COP1: variants seen among roughly 807,000 people sequenced by gnomAD.
The protein encoded by COP1 is COP1 E3 ubiquitin ligase.
In COP1, 24 loss-of-function variants were observed where a neutral mutation model predicts 101.3. The ratio of observed to expected loss-of-function variants is 0.24; its 90% CI spans 0.17 to 0.33. The LOEUF is 0.33. Ranked by LOEUF, COP1 falls within the 10% of genes least tolerant of loss-of-function variation. The pLI, the probability that COP1 is intolerant of heterozygous loss-of-function variation, is 1.00. For synonymous variants in COP1, 347 were observed against 341.9 expected (o/e 1.01, Z -0.17); for missense variants, 663 against 906.2 (o/e 0.73, Z 3.45).
At chr1:175,945,758 T>C (rs1649090756) in intron 19 of COP1, among the ~76,000 whole-genome samples, 2 of 152,186 alleles carry the variant, frequency 1.3e-5, no homozygotes, top group South Asian at 2.1e-4. Context: ...AACAGGAGGA[T>C]AGTTATGAGA....
chr1:176,200,781 G>A (rs1700187631), intron 1 of COP1, among the ~76,000 whole-genome samples: 2 of 152,118 alleles, frequency 1.3e-5, no homozygotes, highest in South Asian at 4.1e-4. Context: ...CACACATAAA[G>A]AAAGAGGACA....
chr1:176,155,491 G>A (rs1005568476), intron 5 of COP1, among the ~76,000 whole-genome samples: 2 of 151,940 alleles, frequency 1.3e-5, no homozygotes, highest in African/African-American at 4.8e-5. Flanking sequence ...TCAGAAGTCT[G>A]TAAGATAATA....
intron 9 of COP1, among the ~76,000 whole-genome samples, chr1:176,090,212 C>T (rs77928756): frequency 3.3e-5 from 5 of 152,070 alleles, no homozygotes; most frequent in African/African-American, 7.2e-5. Flanking sequence ...GTTCCCACCC[C>T]CTGTCCCTGC....
At chr1:176,025,464 A>C (rs1302799099) in intron 15 of COP1, among the ~76,000 whole-genome samples, 1 of 151,746 alleles carries the variant, frequency 6.6e-6, no homozygotes, top group Non-Finnish European at 1.5e-5. Flanking sequence ...TTTAGCAAAA[A>C]AAAAAAAAAC....
chr1:176,082,296 C>G (rs150344279), intron 10 of COP1, among the ~76,000 whole-genome samples: 310 of 152,240 alleles, frequency 2.0e-3, no homozygotes, highest in Non-Finnish European at 3.4e-3. Context: ...CACACACACA[C>G]AACTTTTTCA....
intron 7 of COP1, among the ~76,000 whole-genome samples, chr1:176,135,426 C>T (rs574498584): frequency 6.6e-6 from 1 of 152,082 alleles, no homozygotes; most frequent in East Asian, 1.9e-4. Context: ...AGTGAACTAG[C>T]ATATCATTAA....
chr1:176,100,934 C>T (rs576177259), intron 9 of COP1, among the ~76,000 whole-genome samples: 7 of 152,092 alleles, frequency 4.6e-5, no homozygotes, highest in African/African-American at 1.2e-4. Context: ...GAAAGAAAAC[C>T]GGATCTGATG....
At chr1:176,164,817 T>G (rs563498287) in intron 3 of COP1, among the ~76,000 whole-genome samples, 1 of 152,182 alleles carries the variant, frequency 6.6e-6, no homozygotes, top group African/African-American at 2.4e-5. Flanking sequence ...AACCAACAAA[T>G]ATAAACTGAC....
intron 11 of COP1, among the ~76,000 whole-genome samples, chr1:176,077,614 C>T (rs1021402362): frequency 1.3e-5 from 2 of 152,196 alleles, no homozygotes; most frequent in East Asian, 3.9e-4. Context: ...CCCACTTTCA[C>T]CACTCCTATT....
chr1:176,027,702 A>G lies in COP1; in HGVS notation c.1613-14T>C. The G allele has an allele frequency of 6.8e-7, 1 of 1,466,684 alleles. No individual in the cohort carries two copies. The allele number at this position is 1,466,684 out of a possible 1,614,324, so 90.9% of individuals were successfully genotyped here. A position where few individuals can be genotyped will look rare whatever the true frequency, so the allele number is the denominator to read the frequency against. On this transcript the variant is annotated splice_polypyrimidine_tract_variant and intron_variant, in intron 14 of 19. Transcript: ENST00000367669. Reference sequence around the variant, plus strand: ...ACCACAGCTTCACTAAGGGCAAAGGACAATAAAAACAAAAAGAGAAACAAG... The same window carrying G: ...ACCACAGCTTCACTAAGGGCAAAGGGCAATAAAAACAAAAAGAGAAACAAG...
Position 176,206,969 on chromosome 1 carries a change from T to C in COP1, c.10A>G (p.Ser4Gly). The C allele has an allele frequency of 7.1e-7, 1 of 1,411,874 alleles. No individual in the cohort carries two copies. The highest frequency in any genetic ancestry group is 9.2e-7 in the Non-Finnish European group (1 of 1,088,160). The allele number at this position is 1,411,874 out of a possible 1,614,324, so 87.5% of individuals were successfully genotyped here. Reference protein sequence around the residue: MSGSRQAGSGSAGT... With the variant: MSGGRQAGSGSAGT... ...GCGGAGCCCGACCCGGCCTGGCGGCTACCAGACATCGTGACTCCCTCCCCT... is the reference window on the plus strand; with the variant it reads ...GCGGAGCCCGACCCGGCCTGGCGGCCACCAGACATCGTGACTCCCTCCCCT... The change falls in exon 1 of 20, where the codon AGC becomes GGC. Residue 4 changes from serine to glycine, a missense_variant. Ser to Gly is a moderately conservative substitution (Grantham distance 56). Around this residue, in one of 4 missense-constraint regions of COP1, gnomAD observed 204 missense variants for 203.6 expected, o/e 1.00. Transcript: ENST00000367669.
chr1:176,019,508 CCAT>C (rs1372555252), intron 15 of COP1, among the ~76,000 whole-genome samples: 55 of 131,018 alleles, frequency 4.2e-4, no homozygotes, highest in African/African-American at 1.4e-3. Flanking sequence ...ATAATAATAA[CCAT>C]CATCATCATC....
intron 1 of COP1, among the ~76,000 whole-genome samples, chr1:176,204,189 CA>C (rs1447697886): frequency 5.3e-5 from 8 of 152,210 alleles, no homozygotes. Context: ...TGTCCAACGA[CA>C]AACAAAATTA....
intron 8 of COP1, among the ~76,000 whole-genome samples, chr1:176,133,289 CAT>C (rs1419884521): frequency 6.6e-6 from 1 of 151,306 alleles, no homozygotes; most frequent in South Asian, 2.1e-4. Context: ...CGTATGTACA[CAT>C]ATATATGTGA....
chr1:176,106,068 C>G (rs1456512067), intron 9 of COP1, among the ~76,000 whole-genome samples: 1 of 152,044 alleles, frequency 6.6e-6, no homozygotes, highest in African/African-American at 2.4e-5. Context: ...TCTCGCTCTG[C>G]TGCCCAGGCT....
intron 15 of COP1, among the ~76,000 whole-genome samples, chr1:176,007,201 CTT>C (rs1471324873): frequency 3.9e-5 from 6 of 152,144 alleles, no homozygotes; most frequent in African/African-American, 1.4e-4. Context: ...CCATCAGCTC[CTT>C]TAAGCACTTC....
chr1:176,099,499 A>G (rs886205968), intron 9 of COP1, among the ~76,000 whole-genome samples: 1 of 122,804 alleles, frequency 8.1e-6, no homozygotes, highest in East Asian at 2.6e-4. Flanking sequence ...AATTTGGAGC[A>G]TATTTGTCTC....
intron 2 of COP1, among the ~76,000 whole-genome samples, chr1:176,177,797 A>G (rs1697173329): frequency 6.6e-6 from 1 of 152,166 alleles, no homozygotes; most frequent in Non-Finnish European, 1.5e-5. Flanking sequence ...AAACAAAAAA[A>G]TAAAAACCTA....
Position 175,949,193 on chromosome 1 carries a change from T to G in COP1, c.2134-1954A>C, listed in dbSNP as rs796159456. On this transcript the variant is annotated intron_variant, in intron 18 of 19. Coordinates refer to ENST00000367669, the MANE Select transcript of COP1 (RefSeq NM_022457.7). Reference sequence around the variant, plus strand: ...CAAAAAAAAAAAAAAAAAAAAAAAATGAACATGGGTAATACAATACTCACT... The same window carrying G: ...CAAAAAAAAAAAAAAAAAAAAAAAAGGAACATGGGTAATACAATACTCACT... 9.4e-3 allele frequency among the ~76,000 whole-genome samples: 328 copies of G among 34,792 alleles called. 5 individuals carry two copies. The highest frequency in any genetic ancestry group is 0.023 in the African/African-American group (278 of 12,226). The allele number at this position is 34,792 out of a possible 152,430, so 22.8% of individuals were successfully genotyped here. A position where few individuals can be genotyped will look rare whatever the true frequency, so the allele number is the denominator to read the frequency against.
Sources: gnomAD v4.1 joint callset for allele counts (sites outside exome capture counted in the v4.1 genomes callset) on GRCh38, gnomAD v4.1.1 for gene constraint, gnomAD v4.1.1 regional missense constraint, MANE v1.5 for transcripts, NCBI Gene and HGNC (gene_info 2026-07-23, HGNC 2026-07-21) for gene names.